ALG5: variants seen among roughly 807,000 people sequenced by gnomAD.
The protein encoded by ALG5 is dolichyl-phosphate beta-glucosyltransferase.
Under a neutral mutation model 51.8 loss-of-function variants are expected in ALG5, and 26 were observed. The observed-to-expected ratio is 0.50, with a 90% CI of 0.37 to 0.70. The LOEUF is 0.70. Ranked by LOEUF, ALG5 falls within the 30% of genes least tolerant of loss-of-function variation. The pLI is 0.00. For missense variants in ALG5, 311 were observed against 399.3 expected (o/e 0.78, Z 1.88); for synonymous variants, 141 against 136.1 (o/e 1.04, Z -0.25).
intron 4 of ALG5, 64 bp from the exon 5 acceptor site, chr13:36,989,640 GT>G: frequency 2.2e-6 from 3 of 1,351,828 alleles, no homozygotes; most frequent in Non-Finnish European, 3.1e-6. Flanking sequence ...TATAAGCTGT[GT>G]TTCTTGCTTT....
chr13:36,967,115 T>C (rs559555486), intron 7 of ALG5, among the ~76,000 whole-genome samples: 97 of 150,764 alleles, frequency 6.4e-4, no homozygotes, highest in Non-Finnish European at 1.0e-3. Flanking sequence ...CCCAGCTACT[T>C]AGGAGGCTGA....
At chr13:36,954,971 C>T (rs921459158) in intron 8 of ALG5, among the ~76,000 whole-genome samples, 40 of 152,210 alleles carry the variant, frequency 2.6e-4, no homozygotes, top group African/African-American at 7.7e-4. Flanking sequence ...GGAACATGGA[C>T]AGGACAGTGG....
intron 6 of ALG5, among the ~76,000 whole-genome samples, chr13:36,974,257 T>C (rs1186837886): frequency 6.6e-6 from 1 of 152,220 alleles, no homozygotes; most frequent in Admixed American, 6.5e-5. Context: ...ACACTAGTTA[T>C]ATCTGAGGGT....
intron 5 of ALG5, among the ~76,000 whole-genome samples, chr13:36,987,447 G>A (rs913844631): frequency 6.6e-6 from 1 of 152,162 alleles, no homozygotes; most frequent in Non-Finnish European, 1.5e-5. Flanking sequence ...GCTTGGTGCT[G>A]TCCTTGCAAT....
At position 36,972,107 on chromosome 13, in the gene ALG5, A is replaced by C. The variant is rs1185136078; in HGVS notation, c.562-71T>G. The C allele has an allele frequency of 6.7e-6, 8 of 1,194,984 alleles. No homozygotes were observed. The East Asian group carries it at 7.8e-5, about 12-fold the overall frequency. The allele number at this position is 1,194,984 out of a possible 1,614,324, so 74.0% of individuals were successfully genotyped here. On this transcript the variant is annotated intron_variant, in intron 6 of 9. Coordinates refer to ENST00000239891, the MANE Select transcript of ALG5 (RefSeq NM_013338.5). The stretch of plus-strand genomic sequence containing the variant: ...AATAAAAATATTTATTTTCAATGAG[A>C]ATATCTCATTTTTAGAAACTGATTT...
At chr13:36,969,521 T>A (rs557660147) in intron 7 of ALG5, among the ~76,000 whole-genome samples, 10 of 151,874 alleles carry the variant, frequency 6.6e-5, no homozygotes, top group East Asian at 1.9e-4. Flanking sequence ...TTTTTATTTA[T>A]TTTATTTATT....
chr13:36,975,673 T>A (rs565196234), intron 6 of ALG5, among the ~76,000 whole-genome samples: 1 of 152,206 alleles, frequency 6.6e-6, no homozygotes, highest in African/African-American at 2.4e-5. Context: ...ATTTCCTTCT[T>A]TGGAGTCATA....
At chr13:36,971,028 C>T (rs2058920389) in intron 7 of ALG5, among the ~76,000 whole-genome samples, 1 of 152,156 alleles carries the variant, frequency 6.6e-6, no homozygotes, top group Non-Finnish European at 1.5e-5. Context: ...AAAATTTCTA[C>T]ATATCTCTCT....
At chr13:36,956,477 GTATT>G (rs532576114) in intron 8 of ALG5, among the ~76,000 whole-genome samples, 264 of 152,256 alleles carry the variant, frequency 1.7e-3, no homozygotes, top group Middle Eastern at 3.4e-3. Flanking sequence ...TCACTTTTGA[GTATT>G]TATCCAAAAG....
chr13:36,964,354 G>A (rs768564036), intron 8 of ALG5, among the ~76,000 whole-genome samples: 6 of 152,168 alleles, frequency 3.9e-5, no homozygotes, highest in Non-Finnish European at 5.9e-5. Flanking sequence ...GCTACAGCAT[G>A]GTAGTATGGA....
At chr13:36,998,851 T>A (rs556250853) in intron 1 of ALG5, 1 of 189,512 alleles carries the variant, frequency 5.3e-6, no homozygotes, top group South Asian at 1.8e-4. Flanking sequence ...GCTCGAGACC[T>A]CCCTGGGTGG....
At chr13:36,989,251 A>G (rs1352347461) in intron 5 of ALG5, among the ~76,000 whole-genome samples, 1 of 152,248 alleles carries the variant, frequency 6.6e-6, no homozygotes, top group Non-Finnish European at 1.5e-5. Flanking sequence ...AGATGGTAAC[A>G]TTTTAAACTT....
chr13:36,951,085 C>T (rs2058816116), intron 9 of ALG5, among the ~76,000 whole-genome samples: 1 of 152,092 alleles, frequency 6.6e-6, no homozygotes. Context: ...TTATCAGGGC[C>T]AAAAATTATC....
chr13:36,977,812 AAAC>A (rs780748267), intron 6 of ALG5, among the ~76,000 whole-genome samples: 37,276 of 86,294 alleles, frequency 0.43, 13,014 homozygotes, highest in East Asian at 0.56. Context: ...AAAAAAAAAA[AAAC>A]AAAAACGGTG....
At chr13:36,960,979 A>C (rs2058863833) in intron 8 of ALG5, among the ~76,000 whole-genome samples, 1 of 152,074 alleles carries the variant, frequency 6.6e-6, no homozygotes, top group Non-Finnish European at 1.5e-5. Flanking sequence ...GAAAGAATTT[A>C]GGTGAAGTAC....
chr13:36,980,496 G>A (rs938003589), intron 6 of ALG5, among the ~76,000 whole-genome samples: 1 of 151,902 alleles, frequency 6.6e-6, no homozygotes. Flanking sequence ...CAAAGCGCTG[G>A]GATTACAGAT....
chr13:36,973,527 T>A (rs1371118287), intron 6 of ALG5, among the ~76,000 whole-genome samples: 2 of 152,306 alleles, frequency 1.3e-5, no homozygotes, highest in East Asian at 1.9e-4. Context: ...TCAGAAATCA[T>A]TTTGTAAATA....
chr13:36,951,764 G>A (rs182781178), intron 9 of ALG5, among the ~76,000 whole-genome samples: 7 of 152,280 alleles, frequency 4.6e-5, no homozygotes, highest in Admixed American at 3.9e-4. Context: ...GATTGACTGT[G>A]GACATTTGGA....
chr13:36,983,283 T>A (rs1311704147), intron 6 of ALG5, among the ~76,000 whole-genome samples: 1 of 152,140 alleles, frequency 6.6e-6, no homozygotes, highest in African/African-American at 2.4e-5. Context: ...CTGGAGAAAA[T>A]CAGGAAATCA....
Sources: gnomAD v4.1 joint callset for allele counts (sites outside exome capture counted in the v4.1 genomes callset) on GRCh38, gnomAD v4.1.1 for gene constraint, MANE v1.5 for transcripts, NCBI Gene and HGNC (gene_info 2026-07-23, HGNC 2026-07-21) for gene names.